GPC6: variants seen among roughly 807,000 people sequenced by gnomAD.
GPC6 encodes glypican 6.
A neutral mutation model predicts 55.2 loss-of-function variants in GPC6; 14 were observed. The ratio of observed to expected loss-of-function variants is 0.25; its 90% CI spans 0.17 to 0.40. The LOEUF is 0.40. GPC6 is among the 10% of genes least tolerant of loss of function. GPC6 has a pLI of 1.00. For missense variants in GPC6, 641 were observed against 708.5 expected (o/e 0.90, Z 1.08); for synonymous variants, 278 against 259.6 (o/e 1.07, Z -0.68).
intron 2 of GPC6, among the ~76,000 whole-genome samples, chr13:93,602,053 TC>T (rs1878038766): frequency 6.6e-6 from 1 of 152,206 alleles, no homozygotes; most frequent in Non-Finnish European, 1.5e-5. Context: ...TAATGGACAT[TC>T]TGTAGAATAA....
chr13:94,014,905 C>T (rs9301925), intron 3 of GPC6, among the ~76,000 whole-genome samples: 86,345 of 152,008 alleles, frequency 0.57, 25,565 homozygotes, highest in African/African-American at 0.75. Flanking sequence ...TTTTGCTGTA[C>T]AGATATACCA....
chr13:94,005,498 T>C (rs1881979957), intron 3 of GPC6, among the ~76,000 whole-genome samples: 1 of 152,202 alleles, frequency 6.6e-6, no homozygotes, highest in Non-Finnish European at 1.5e-5. Context: ...CCCTATATGC[T>C]GGCTCTTTCC....
At chr13:94,333,391 A>G (rs1453458077) in intron 6 of GPC6, among the ~76,000 whole-genome samples, 1 of 152,186 alleles carries the variant, frequency 6.6e-6, no homozygotes, top group African/African-American at 2.4e-5. Context: ...AGTAAGTCAT[A>G]AAAACAGCGG....
intron 4 of GPC6, among the ~76,000 whole-genome samples, chr13:94,034,014 T>TA (rs1883235996): frequency 6.6e-6 from 1 of 152,134 alleles, no homozygotes; most frequent in Non-Finnish European, 1.5e-5. Context: ...AAGACTTTTT[T>TA]AAAAAAACAA....
chr13:93,811,136 G>A (rs1210672561), intron 2 of GPC6, among the ~76,000 whole-genome samples: 2 of 152,182 alleles, frequency 1.3e-5, no homozygotes, highest in Non-Finnish European at 2.9e-5. Context: ...CTGGGGAAAG[G>A]ACAGTCACCC....
At chr13:94,216,442 GTTA>G (rs1380778662) in intron 4 of GPC6, among the ~76,000 whole-genome samples, 4 of 152,270 alleles carry the variant, frequency 2.6e-5, no homozygotes, top group African/African-American at 7.2e-5. Flanking sequence ...AATATCAACA[GTTA>G]TTATTATAAA....
chr13:93,373,087 A>C (rs989121375), intron 1 of GPC6, among the ~76,000 whole-genome samples: 2 of 152,172 alleles, frequency 1.3e-5, no homozygotes, highest in East Asian at 3.8e-4. Context: ...GTATAATAGT[A>C]CAAAAGTGAC....
chr13:94,069,365 C>T (rs1884648305), intron 4 of GPC6, among the ~76,000 whole-genome samples: 1 of 152,046 alleles, frequency 6.6e-6, no homozygotes, highest in Admixed American at 6.5e-5. Flanking sequence ...TTTTTTTCTC[C>T]TAAACCTTTG....
intron 1 of GPC6, among the ~76,000 whole-genome samples, chr13:93,256,872 A>G (rs1395188508): frequency 6.6e-6 from 1 of 152,188 alleles, no homozygotes; most frequent in Non-Finnish European, 1.5e-5. Flanking sequence ...AGATGTTTCT[A>G]TACCATGTCA....
intron 3 of GPC6, among the ~76,000 whole-genome samples, chr13:93,985,689 C>CAAAAAAA (rs34003218): frequency 4.3e-5 from 3 of 69,398 alleles, no homozygotes; most frequent in Admixed American, 2.0e-4. Flanking sequence ...AAGACCTGGC[C>CAAAAAAA]AAAAAAAAAA....
chr13:93,324,523 A>G lies in GPC6; in HGVS notation c.160+96907A>G, dbSNP rs559815954. ...TTATGTATTACATGCTTGTATTAAA[A>G]TATCTCATGTATGTATGTGTGTATA... On this transcript the variant is annotated intron_variant, in intron 1 of 8. Transcript: ENST00000377047. Among the ~76,000 whole-genome samples the G allele has an allele frequency of 2.9e-5, 4 of 137,230 alleles. No individual in the cohort carries two copies. The South Asian group carries it at 8.5e-4, about 29-fold the overall frequency. The allele number at this position is 137,230 out of a possible 152,430, so 90.0% of individuals were successfully genotyped here.
intron 2 of GPC6, among the ~76,000 whole-genome samples, chr13:93,773,179 C>T (rs1885357492): frequency 6.6e-6 from 1 of 152,180 alleles, no homozygotes; most frequent in Non-Finnish European, 1.5e-5. Context: ...GTTAGTAATA[C>T]TGCCACTTAA....
intron 3 of GPC6, among the ~76,000 whole-genome samples, chr13:93,901,488 T>G (rs969073925): frequency 3.3e-5 from 5 of 152,188 alleles, no homozygotes; most frequent in Admixed American, 3.3e-4. Context: ...AAAATATTTT[T>G]CAGTATTTTT....
chr13:93,337,665 A>G (rs9556282), intron 1 of GPC6, among the ~76,000 whole-genome samples: 21,733 of 152,156 alleles, frequency 0.14, 1,807 homozygotes, highest in East Asian at 0.42. Context: ...AATGACATCA[A>G]ATACATCCTT....
chr13:94,260,663 C>T (rs984675808), intron 4 of GPC6, among the ~76,000 whole-genome samples: 5 of 152,138 alleles, frequency 3.3e-5, no homozygotes, highest in African/African-American at 1.2e-4. Context: ...AGGACTTCAG[C>T]ATATGAATCT....
chr13:93,765,308 T>TTCCAGATAAGCTGTCTGGAA, intron 2 of GPC6, among the ~76,000 whole-genome samples: 260 of 148,376 alleles, frequency 1.8e-3, no homozygotes, highest in Middle Eastern at 7.5e-3. Context: ...AAAGACAACT[T>TTCCAGATAAGCTGTCTGGAA]ATTTGGTTTA....
At chr13:93,510,316 C>G (rs964749990) in intron 1 of GPC6, among the ~76,000 whole-genome samples, 4 of 152,096 alleles carry the variant, frequency 2.6e-5, no homozygotes, top group African/African-American at 9.7e-5. Flanking sequence ...TCTTCCCTCT[C>G]CCCCAAATCA....
At chr13:93,960,252 G>A (rs1879705566) in intron 3 of GPC6, among the ~76,000 whole-genome samples, 1 of 152,112 alleles carries the variant, frequency 6.6e-6, no homozygotes, top group Non-Finnish European at 1.5e-5. Flanking sequence ...AAACCAAAAC[G>A]TTTTTACATA....
At chr13:94,206,989 C>G (rs1176362017) in intron 4 of GPC6, among the ~76,000 whole-genome samples, 1 of 152,182 alleles carries the variant, frequency 6.6e-6, no homozygotes, top group Non-Finnish European at 1.5e-5. Flanking sequence ...TTTCTTTACC[C>G]TAAATCATCT....
Sources: allele counts gnomAD v4.1 joint callset (sites outside exome capture counted in the v4.1 genomes callset), GRCh38; gene constraint gnomAD v4.1.1; transcripts MANE v1.5; gene names NCBI Gene and HGNC (gene_info 2026-07-23, HGNC 2026-07-21).